The following FBXW7 variants were observed in gnomAD, a reference collection of about 807,000 sequenced individuals.
FBXW7 encodes the protein F-box and WD repeat domain containing 7.
In FBXW7, 11 loss-of-function variants were observed where a neutral mutation model predicts 86.3. The ratio of observed to expected loss-of-function variants is 0.13; its 90% CI spans 0.08 to 0.21. FBXW7 has a LOEUF of 0.21. Among genes scored for constraint, FBXW7 ranks in the 10% least tolerant of loss-of-function variants. The pLI, the probability that FBXW7 is intolerant of heterozygous loss-of-function variation, is 1.00. For synonymous variants in FBXW7, 313 were observed against 297.9 expected (o/e 1.05, Z -0.52); for missense variants, 488 against 847.4 (o/e 0.58, Z 5.27).
chr4:152,454,895 A>G (rs1457101275), intron 2 of FBXW7, among the ~76,000 whole-genome samples: 3 of 152,106 alleles, frequency 2.0e-5, no homozygotes, highest in Non-Finnish European at 4.4e-5. Context: ...CACTTTCCAA[A>G]TTAATAATAA....
At chr4:152,447,459 C>T (rs1180373894) in intron 2 of FBXW7, among the ~76,000 whole-genome samples, 2 of 152,158 alleles carry the variant, frequency 1.3e-5, no homozygotes, top group Non-Finnish European at 2.9e-5. Flanking sequence ...AAGTCTTTGA[C>T]AGCATCTGAG....
rs1422930331 is a variant in FBXW7 at position 152,380,254 on chromosome 4, AT to A, written c.502-30131del. Reference sequence around the variant, plus strand: ...TATTATTAATTATAACATATTAAAAATATCTTTAAAATTTCTAATAAAGAAA... The same window carrying A: ...TATTATTAATTATAACATATTAAAAAATCTTTAAAATTTCTAATAAAGAAA... On this transcript the variant is annotated intron_variant, in intron 4 of 13. Transcript: ENST00000281708. 2.0e-5 allele frequency among the ~76,000 whole-genome samples: 3 copies of A among 152,160 alleles called. No individual in the cohort carries two copies. In the East Asian group the frequency reaches 5.8e-4, roughly 29 times the overall value.
chr4:152,479,698 C>A (rs1351198358), intron 2 of FBXW7, among the ~76,000 whole-genome samples: 1 of 152,132 alleles, frequency 6.6e-6, no homozygotes, highest in Non-Finnish European at 1.5e-5. Context: ...CATCATTCCG[C>A]ATTATATCAT....
At chr4:152,441,428 C>T (rs764788957) in intron 2 of FBXW7, among the ~76,000 whole-genome samples, 1 of 152,080 alleles carries the variant, frequency 6.6e-6, no homozygotes, top group Non-Finnish European at 1.5e-5. Context: ...TAATATTCAC[C>T]AGTATATGAC....
At chr4:152,350,208 T>C in intron 4 of FBXW7, 84 bp from the exon 5 acceptor site, 1 of 672,088 alleles carries the variant, frequency 1.5e-6, no homozygotes, top group Non-Finnish European at 2.4e-6. Context: ...TATTTTAAAT[T>C]CTTAAATTTT....
At chr4:152,392,874 G>C (rs1736112666) in intron 4 of FBXW7, among the ~76,000 whole-genome samples, 1 of 152,132 alleles carries the variant, frequency 6.6e-6, no homozygotes, top group African/African-American at 2.4e-5. Flanking sequence ...TGAGGCCTTA[G>C]CAAGTTTCTA....
At chr4:152,427,120 A>G (rs1369162108) in intron 2 of FBXW7, among the ~76,000 whole-genome samples, 3 of 152,176 alleles carry the variant, frequency 2.0e-5, no homozygotes, top group South Asian at 4.1e-4. Flanking sequence ...AAAATAAGCT[A>G]GATAAAATTA....
At chr4:152,471,920 TA>T (rs1224444002) in intron 2 of FBXW7, among the ~76,000 whole-genome samples, 3 of 151,504 alleles carry the variant, frequency 2.0e-5, no homozygotes, top group Non-Finnish European at 2.9e-5. Flanking sequence ...AAATAAAATT[TA>T]AATAAATTAA....
chr4:152,391,543 T>G (rs1240657282), intron 4 of FBXW7, among the ~76,000 whole-genome samples: 3 of 152,170 alleles, frequency 2.0e-5, no homozygotes, highest in African/African-American at 7.2e-5. Context: ...CTAAGGAGAC[T>G]ATCAGAGATC....
At chr4:152,524,436 G>C (rs1394051918) in intron 2 of FBXW7, among the ~76,000 whole-genome samples, 1 of 152,178 alleles carries the variant, frequency 6.6e-6, no homozygotes, top group Non-Finnish European at 1.5e-5. Flanking sequence ...AGGTATGGTG[G>C]AAATTTTCCC....
intron 4 of FBXW7, among the ~76,000 whole-genome samples, chr4:152,399,647 T>C (rs1416519564): frequency 6.6e-6 from 1 of 152,142 alleles, no homozygotes; most frequent in African/African-American, 2.4e-5. Context: ...GTCAATTATT[T>C]TCCTACACAC....
intron 4 of FBXW7, among the ~76,000 whole-genome samples, chr4:152,389,174 C>T (rs972342259): frequency 6.6e-5 from 10 of 152,040 alleles, no homozygotes; most frequent in African/African-American, 1.7e-4. Flanking sequence ...AATGCTTATA[C>T]GGTGTTGGTG....
intron 2 of FBXW7, among the ~76,000 whole-genome samples, chr4:152,459,875 C>T (rs1469127654): frequency 6.6e-6 from 1 of 152,032 alleles, no homozygotes; most frequent in Non-Finnish European, 1.5e-5. Context: ...CCACAGATAA[C>T]CAAAATTGTG....
intron 2 of FBXW7, among the ~76,000 whole-genome samples, chr4:152,440,289 T>C (rs934773171): frequency 1.3e-5 from 2 of 152,256 alleles, no homozygotes; most frequent in Non-Finnish European, 2.9e-5. Context: ...ATAATCTCTT[T>C]AGCTTGCAGC....
chr4:152,326,351 T>A, intron 11 of FBXW7, 120 bp from the exon 12 acceptor site: 1 of 706,448 alleles, frequency 1.4e-6, no homozygotes, highest in Non-Finnish European at 2.3e-6. Flanking sequence ...TTTTTTTTTT[T>A]TACACAGCAA....
intron 4 of FBXW7, among the ~76,000 whole-genome samples, chr4:152,380,732 G>C (rs531676533): frequency 6.6e-6 from 1 of 151,886 alleles, no homozygotes; most frequent in African/African-American, 2.4e-5. Context: ...ATATGTACTT[G>C]TTTATTAAAA....
intron 8 of FBXW7, among the ~76,000 whole-genome samples, chr4:152,331,989 T>C (rs999355318): frequency 2.6e-5 from 4 of 152,058 alleles, no homozygotes; most frequent in African/African-American, 7.2e-5. Context: ...TAATCACCTA[T>C]AGAGTACCTA....
intron 2 of FBXW7, among the ~76,000 whole-genome samples, chr4:152,529,817 G>A (rs541587885): frequency 2.0e-5 from 3 of 151,986 alleles, no homozygotes; most frequent in African/African-American, 7.2e-5. Context: ...CCTGGTGGGT[G>A]CTAAAACACA....
At chr4:152,470,934 T>C (rs973432216) in intron 2 of FBXW7, among the ~76,000 whole-genome samples, 1 of 152,138 alleles carries the variant, frequency 6.6e-6, no homozygotes, top group Non-Finnish European at 1.5e-5. Context: ...AAATGACATA[T>C]TAAGTAAAAC....
Sources: gnomAD v4.1 joint callset for allele counts (sites outside exome capture counted in the v4.1 genomes callset) on GRCh38, gnomAD v4.1.1 for gene constraint, MANE v1.5 for transcripts, NCBI Gene and HGNC (gene_info 2026-07-23, HGNC 2026-07-21) for gene names.